The following EXT1 variants were observed in gnomAD, a reference collection of about 807,000 sequenced individuals.
The protein encoded by EXT1 is exostosin glycosyltransferase 1, also known as exostosin-1.
EXT1 carries 20 observed loss-of-function variants against 82.5 expected under a neutral mutation model. The observed-to-expected ratio is 0.24, with a 90% confidence interval of 0.17 to 0.35. The LOEUF (loss-of-function observed/expected upper bound fraction) is 0.35. Ranked by LOEUF, EXT1 falls within the 10% of genes least tolerant of loss-of-function variation. EXT1 has a pLI of 1.00. For missense variants in EXT1, 757 were observed against 936.5 expected (o/e 0.81, Z 2.50); for synonymous variants, 348 against 350.8 (o/e 0.99, Z 0.09).
At chr8:118,027,007 G>A (rs930625379) in intron 1 of EXT1, among the ~76,000 whole-genome samples, 1 of 152,178 alleles carries the variant, frequency 6.6e-6, no homozygotes. Flanking sequence ...TTTGGAGCCT[G>A]AGGCAGGAGG....
chr8:117,857,031 A>C (rs1369677471), intron 1 of EXT1, among the ~76,000 whole-genome samples: 1 of 152,202 alleles, frequency 6.6e-6, no homozygotes, highest in East Asian at 1.9e-4. Context: ...GTGCTCTATA[A>C]ATAGATGGAA....
intron 7 of EXT1, among the ~76,000 whole-genome samples, chr8:117,813,842 C>T (rs1434907202): frequency 6.6e-6 from 1 of 151,876 alleles, no homozygotes; most frequent in African/African-American, 2.4e-5. Flanking sequence ...CCTGACTCTA[C>T]TAAAAATACA....
intron 1 of EXT1, among the ~76,000 whole-genome samples, chr8:117,986,315 G>A (rs904884221): frequency 6.6e-5 from 10 of 151,522 alleles, no homozygotes; most frequent in Non-Finnish European, 1.3e-4. Context: ...TCAGCCTCCC[G>A]AGTAGCTGGG....
chr8:117,987,089 A>C (rs1304966950), intron 1 of EXT1, among the ~76,000 whole-genome samples: 2 of 152,206 alleles, frequency 1.3e-5, no homozygotes, highest in African/African-American at 4.8e-5. Flanking sequence ...CAAGGAACTT[A>C]TGGTCGAAAA....
rs1378534184 is a variant in EXT1 at position 117,870,480 on chromosome 8, TAGA to T, written c.963-33282_963-33280del. On this transcript the variant is annotated intron_variant, in intron 1 of 10. Transcript: ENST00000378204. ...AATCAGTGTATCAACGGGCATTAAGTAGAAGGAGCAAGGAGGGGTCTGATGTTG... is the reference window on the plus strand; with the variant it reads ...AATCAGTGTATCAACGGGCATTAAGTAGGAGCAAGGAGGGGTCTGATGTTG... 2.0e-5 allele frequency among the ~76,000 whole-genome samples: 3 copies of T among 150,170 alleles called. 1 individual carries two copies. Among genetic ancestry groups the T allele is most frequent in the East Asian group, 1.9e-4 (1 of 5,166 alleles).
intron 1 of EXT1, among the ~76,000 whole-genome samples, chr8:117,945,035 G>A (rs1270622013): frequency 2.6e-5 from 4 of 152,114 alleles, no homozygotes; most frequent in African/African-American, 4.8e-5. Flanking sequence ...GGTGGTGGGC[G>A]CCTGTAGTCC....
intron 9 of EXT1, among the ~76,000 whole-genome samples, chr8:117,806,298 C>T (rs1586989829): frequency 6.6e-6 from 1 of 152,184 alleles, no homozygotes; most frequent in Admixed American, 6.5e-5. Flanking sequence ...CAAACCCTGT[C>T]CTCCTCCCCT....
At chr8:118,058,906 T>G (rs1816837176) in intron 1 of EXT1, among the ~76,000 whole-genome samples, 1 of 152,192 alleles carries the variant, frequency 6.6e-6, no homozygotes, top group African/African-American at 2.4e-5. Context: ...AAAATTGAGT[T>G]CAGCTTCCCT....
chr8:118,094,241 C>T (rs952473217), intron 1 of EXT1, among the ~76,000 whole-genome samples: 3 of 152,134 alleles, frequency 2.0e-5, no homozygotes, highest in Non-Finnish European at 4.4e-5. Flanking sequence ...TTTAAAGACA[C>T]AAAGTCATAT....
intron 1 of EXT1, among the ~76,000 whole-genome samples, chr8:117,841,397 T>C (rs1812271686): frequency 6.6e-6 from 1 of 151,920 alleles, no homozygotes; most frequent in Non-Finnish European, 1.5e-5. Context: ...TGCCATTGGT[T>C]GGGGGGAGGA....
intron 1 of EXT1, among the ~76,000 whole-genome samples, chr8:118,012,670 C>A (rs1383070962): frequency 1.3e-5 from 2 of 152,232 alleles, no homozygotes; most frequent in Non-Finnish European, 2.9e-5. Flanking sequence ...GTTTCCACAT[C>A]TTTAAAATGG....
chr8:117,951,114 A>G (rs558521117), intron 1 of EXT1, among the ~76,000 whole-genome samples: 1 of 152,338 alleles, frequency 6.6e-6, no homozygotes, highest in East Asian at 1.9e-4. Context: ...AGAGCTAATC[A>G]ATCCCTCTGT....
chr8:118,074,644 G>T (rs1348183623), intron 1 of EXT1, among the ~76,000 whole-genome samples: 3 of 152,072 alleles, frequency 2.0e-5, no homozygotes, highest in Non-Finnish European at 4.4e-5. Flanking sequence ...TTTGGGATCC[G>T]GCCAAGGGGT....
intron 1 of EXT1, among the ~76,000 whole-genome samples, chr8:117,987,696 A>G (rs1815349577): frequency 6.6e-6 from 1 of 152,244 alleles, no homozygotes; most frequent in Admixed American, 6.5e-5. Context: ...GCCATCCAGT[A>G]GTCAGTTTAA....
intron 4 of EXT1, among the ~76,000 whole-genome samples, chr8:117,828,466 T>G (rs1812043365): frequency 6.6e-6 from 1 of 151,754 alleles, no homozygotes; most frequent in Non-Finnish European, 1.5e-5. Flanking sequence ...GGAGGATTGC[T>G]TAAGGTCATT....
rs1188048307 is a variant in EXT1 at position 118,110,222 on chromosome 8, T to A, written c.825A>T (p.Ile275=). 2 of 1,614,106 alleles carry A rather than the reference T, an allele frequency of 1.2e-6. No homozygotes were observed. The highest frequency in any genetic ancestry group is 1.7e-6 in the Non-Finnish European group (2 of 1,180,040). Residue 275 remains isoleucine (I), a synonymous_variant, in exon 1 of 11, where the codon ATA becomes ATT. Coordinates refer to ENST00000378204, the MANE Select transcript of EXT1 (RefSeq NM_000127.3). ...ATAAGGCATTCCTGGTGTCTGATCC[T>A]ATCCCTGTCAGGTACCTCTTCCCCT... The part of the protein sequence containing the change: ...VFKGKRYLTG[I]GSDTRNALYH...
intron 1 of EXT1, among the ~76,000 whole-genome samples, chr8:117,961,008 C>T (rs572727604): frequency 4.6e-5 from 7 of 152,214 alleles, no homozygotes; most frequent in South Asian, 4.1e-4. Context: ...GAGTCATAAA[C>T]TCTTTTGTGG....
chr8:117,938,589 G>A (rs768697008), intron 1 of EXT1, among the ~76,000 whole-genome samples: 1 of 152,176 alleles, frequency 6.6e-6, no homozygotes, highest in Non-Finnish European at 1.5e-5. Context: ...AATAAAGATA[G>A]AGAATATTTC....
intron 1 of EXT1, among the ~76,000 whole-genome samples, chr8:117,864,125 A>G (rs1812733067): frequency 6.6e-6 from 1 of 152,216 alleles, no homozygotes. Flanking sequence ...AATAGGTCCC[A>G]GCAAAAAGAT....
Sources: gnomAD v4.1 joint callset for allele counts (sites outside exome capture counted in the v4.1 genomes callset) on GRCh38, gnomAD v4.1.1 for gene constraint, MANE v1.5 for transcripts, NCBI Gene and HGNC (gene_info 2026-07-23, HGNC 2026-07-21) for gene names.